The following CDH18 variants were observed in gnomAD, a reference collection of about 807,000 sequenced individuals.
CDH18 encodes the protein cadherin 18.
In CDH18, 31 loss-of-function variants were observed where a neutral mutation model predicts 67.9. The observed-to-expected ratio is 0.46, with a 90% CI of 0.34 to 0.62. The LOEUF is 0.62. Ranked by LOEUF, CDH18 falls within the 20% of genes least tolerant of loss-of-function variation. The probability of loss-of-function intolerance (pLI) is 0.01; values close to 1 mark genes in which losing one functional copy is unlikely to be tolerated. For missense variants in CDH18, 890 were observed against 975.5 expected (o/e 0.91, Z 1.17); for synonymous variants, 362 against 347.2 (o/e 1.04, Z -0.48).
chr5:19,591,324 C>T (rs1331756287), intron 6 of CDH18, 80 bp from the exon 7 acceptor site: 1 of 1,011,628 alleles, frequency 9.9e-7, no homozygotes, highest in African/African-American at 1.6e-5. Flanking sequence ...ATATTTAGAG[C>T]ACATATTCAA....
intron 1 of CDH18, among the ~76,000 whole-genome samples, chr5:20,379,243 G>A (rs1189010823): frequency 6.6e-6 from 1 of 151,964 alleles, no homozygotes; most frequent in East Asian, 1.9e-4. Context: ...AGCTTTCTTT[G>A]ACAATTGTCA....
At chr5:19,784,364 G>A (rs1775471903) in intron 3 of CDH18, among the ~76,000 whole-genome samples, 1 of 152,118 alleles carries the variant, frequency 6.6e-6, no homozygotes, top group African/African-American at 2.4e-5. Context: ...TCTGCAACTT[G>A]AAATTTTTAG....
intron 5 of CDH18, among the ~76,000 whole-genome samples, chr5:19,652,209 TC>T (rs1755680680): frequency 6.6e-6 from 1 of 152,066 alleles, no homozygotes; most frequent in South Asian, 2.1e-4. Context: ...GTCATATTTT[TC>T]TGGGAATTTT....
chr5:19,646,618 G>C (rs1289406029), intron 5 of CDH18, among the ~76,000 whole-genome samples: 1 of 152,114 alleles, frequency 6.6e-6, no homozygotes, highest in African/African-American at 2.4e-5. Flanking sequence ...TGGGATTATA[G>C]GTGTGAGCCA....
rs937060211 is a variant in CDH18 at position 20,175,325 on chromosome 5, G to A, written c.-518+80119C>T. On this transcript the variant is annotated intron_variant, in intron 2 of 14. Coordinates refer to the CDH18 transcript ENST00000507958. Reference sequence around the variant, plus strand: ...CTGACAATAGAAGTGATGACCCAGTGAACCCAGCCACCTCTCTCCTGCTGC... The same window carrying A: ...CTGACAATAGAAGTGATGACCCAGTAAACCCAGCCACCTCTCTCCTGCTGC... Among the ~76,000 whole-genome samples the A allele has an allele frequency of 2.6e-5, 4 of 152,184 alleles. No individual in the cohort carries two copies. The East Asian group carries it at 5.8e-4, about 22-fold the overall frequency.
At chr5:19,508,736 G>C (rs1744632668) in intron 10 of CDH18, among the ~76,000 whole-genome samples, 1 of 151,980 alleles carries the variant, frequency 6.6e-6, no homozygotes, top group Non-Finnish European at 1.5e-5. Context: ...GTTAATTAGA[G>C]TACTTTATTA....
At chr5:20,203,097 G>A (rs114344789) in intron 2 of CDH18, among the ~76,000 whole-genome samples, 56 of 152,118 alleles carry the variant, frequency 3.7e-4, no homozygotes, top group African/African-American at 1.2e-3. Flanking sequence ...TCCCCAATCC[G>A]CCTGGCACCA....
rs577911102 is a variant in CDH18 at position 20,543,420 on chromosome 5, T to G, written c.-580+32042A>C. The stretch of plus-strand genomic sequence containing the variant: ...GATGAAAACACATTTTGTGCTAAGC[T>G]GTAAGTTATTTTAGCATACATACTT... On this transcript the variant is annotated intron_variant, in intron 1 of 14. Transcript: ENST00000507958. Among the ~76,000 whole-genome samples, 476 of 152,256 alleles carry G rather than the reference T, an allele frequency of 3.1e-3. 2 individuals are homozygous for G. The highest frequency in any genetic ancestry group is 4.8e-3 in the Non-Finnish European group (327 of 67,940).
intron 3 of CDH18, among the ~76,000 whole-genome samples, chr5:19,801,737 A>G (rs956822524): frequency 1.1e-4 from 17 of 152,208 alleles, no homozygotes; most frequent in East Asian, 3.8e-4. Context: ...AGACACTAAG[A>G]AAACTACAGC....
At chr5:20,183,712 C>A (rs1476499659) in intron 2 of CDH18, among the ~76,000 whole-genome samples, 1 of 152,056 alleles carries the variant, frequency 6.6e-6, no homozygotes, top group Non-Finnish European at 1.5e-5. Flanking sequence ...TTCTGTTTAA[C>A]TAGACTTTTA....
chr5:19,841,562 C>T (rs1160475171), intron 2 of CDH18, among the ~76,000 whole-genome samples: 1 of 133,240 alleles, frequency 7.5e-6, no homozygotes, highest in Non-Finnish European at 1.6e-5. Context: ...ATTTTCAAAT[C>T]ATGAATTTCA....
At chr5:19,862,422 T>A (rs1785005263) in intron 2 of CDH18, among the ~76,000 whole-genome samples, 1 of 152,170 alleles carries the variant, frequency 6.6e-6, no homozygotes, top group Admixed American at 6.5e-5. Flanking sequence ...GTGATGTATG[T>A]CAAGTTGAGC....
At chr5:19,590,509 G>GATAGATAGATAGATAC (rs1744939899) in intron 7 of CDH18, among the ~76,000 whole-genome samples, 1 of 149,284 alleles carries the variant, frequency 6.7e-6, no homozygotes, top group Non-Finnish European at 1.5e-5. Flanking sequence ...TAGATAGATA[G>GATAGATAGATAGATAC]ACAGACAGAC....
intron 1 of CDH18, among the ~76,000 whole-genome samples, chr5:20,470,965 C>T (rs1229828082): frequency 6.6e-6 from 1 of 152,108 alleles, no homozygotes; most frequent in Non-Finnish European, 1.5e-5. Flanking sequence ...ATATAATCTC[C>T]CTTGATGCTC....
chr5:19,490,597 T>A (rs1741304883), intron 11 of CDH18, among the ~76,000 whole-genome samples: 1 of 151,674 alleles, frequency 6.6e-6, no homozygotes, highest in South Asian at 2.1e-4. Context: ...ATATTTTTAG[T>A]AGAGACAGGG....
chr5:20,338,059 G>A (rs1033633429), intron 1 of CDH18, among the ~76,000 whole-genome samples: 1 of 152,100 alleles, frequency 6.6e-6, no homozygotes, highest in African/African-American at 2.4e-5. Context: ...GAACACGATG[G>A]GAAAGACTTG....
intron 1 of CDH18, among the ~76,000 whole-genome samples, chr5:20,458,645 A>AATC (rs1554002950): frequency 6.6e-6 from 1 of 151,618 alleles, no homozygotes; most frequent in Non-Finnish European, 1.5e-5. Flanking sequence ...ACAACAAAAA[A>AATC]CCCATATGTA....
chr5:19,738,347 GA>G (rs1477975748), intron 4 of CDH18, among the ~76,000 whole-genome samples: 1 of 152,120 alleles, frequency 6.6e-6, no homozygotes, highest in African/African-American at 2.4e-5. Context: ...TACTTTAAGA[GA>G]AGTGCTACAT....
At chr5:20,177,661 T>C (rs1374965073) in intron 2 of CDH18, among the ~76,000 whole-genome samples, 2 of 152,048 alleles carry the variant, frequency 1.3e-5, no homozygotes, top group South Asian at 2.1e-4. Flanking sequence ...CATCCTGATA[T>C]GGTTCGGCCA....
Sources: allele counts gnomAD v4.1 joint callset (sites outside exome capture counted in the v4.1 genomes callset), GRCh38; gene constraint gnomAD v4.1.1; transcripts MANE v1.5; gene names NCBI Gene and HGNC (gene_info 2026-07-23, HGNC 2026-07-21).